The following DNAJB13 variants were observed in gnomAD, a reference collection of about 807,000 sequenced individuals.
DNAJB13 encodes the protein DnaJ heat shock protein family (Hsp40) member B13, also known as dnaJ homolog subfamily B member 13.
DNAJB13 carries 22 observed loss-of-function variants against 35.6 expected under a neutral mutation model. The observed-to-expected ratio is 0.62, with a 90% confidence interval of 0.44 to 0.88. The LOEUF (loss-of-function observed/expected upper bound fraction) is 0.88, where lower values mean the gene tolerates loss of function less well. Among genes scored for constraint, DNAJB13 ranks in the 40% least tolerant of loss-of-function variants. The pLI is 0.00. For missense variants in DNAJB13, 370 were observed against 384.3 expected, an observed-to-expected ratio of 0.96 and a Z score of 0.31; for synonymous variants, 136 against 144.2, an observed-to-expected ratio of 0.94 and a Z score of 0.41.
At chr11:73,969,415 C>A in intron 7 of DNAJB13, 93 bp downstream of exon 7, 1 of 774,590 alleles carries the variant, frequency 1.3e-6, no homozygotes, top group Non-Finnish European at 2.2e-6. Flanking sequence ...TAGAGTTGTA[C>A]AGGCTGCCCC....
At chr11:73,958,884 C>A (rs981674659) in intron 2 of DNAJB13, among the ~76,000 whole-genome samples, 5 of 152,200 alleles carry the variant, frequency 3.3e-5, no homozygotes, top group Non-Finnish European at 5.9e-5. Context: ...ATTAGGAAAT[C>A]TGTCTCCTAG....
chr11:73,968,488 G>C (rs751561683), intron 6 of DNAJB13, 30 bp downstream of exon 6: 2 of 1,587,524 alleles, frequency 1.3e-6, no homozygotes, highest in African/African-American at 1.3e-5. Flanking sequence ...GAGCAGCGGG[G>C]AGGAGATCAG....
Position 73,958,347 on chromosome 11 carries a change from G to T in DNAJB13, c.99G>T (p.Pro33=), listed in dbSNP as rs757937417. The change falls in exon 2 of 8, where the codon CCG becomes CCT. Residue 33 remains proline (P), a synonymous_variant. Transcript: ENST00000339764. ...GCAGACTCGCCCTTAAGCACCACCC[G>T]TTGAAGTCAAATGAGCCGTCTTCAG... The part of the protein sequence containing the change: ...AYRRLALKHH[P]LKSNEPSSAE... The T allele has an allele frequency of 6.2e-6, 10 of 1,614,076 alleles. No individual in the cohort carries two copies. The highest frequency in any genetic ancestry group is 1.6e-4 in the Middle Eastern group (1 of 6,062).
chr11:73,953,438 AGT>A (rs940970137), intron 1 of DNAJB13, among the ~76,000 whole-genome samples: 1 of 152,158 alleles, frequency 6.6e-6, no homozygotes, highest in African/African-American at 2.4e-5. Context: ...GAGCTCCCCG[AGT>A]GTACAATTTC....
At chr11:73,965,135 G>A (rs1951072537) in intron 4 of DNAJB13, 100 bp downstream of exon 4, 1 of 1,321,316 alleles carries the variant, frequency 7.6e-7, no homozygotes. Flanking sequence ...GATGGTCTCT[G>A]ATGGAATTAT....
At chr11:73,965,829 T>G (rs1951099652) in intron 4 of DNAJB13, 2 of 328,796 alleles carry the variant, frequency 6.1e-6, no homozygotes, top group Admixed American at 4.1e-5. Flanking sequence ...GCTGTGTGTT[T>G]GATCAACTAA....
chr11:73,966,845 ATTTTTTTT>A lies in DNAJB13; in HGVS notation c.606+612_606+619del, dbSNP rs770257573. Among the ~76,000 whole-genome samples the A allele has an allele frequency of 3.1e-3, 305 of 98,224 alleles. 4 individuals carry two copies. Among genetic ancestry groups the A allele is most frequent in the African/African-American group, 0.014 (295 of 21,138 alleles). The allele number at this position is 98,224 out of a possible 152,430, so 64.4% of individuals were successfully genotyped here. A position where few individuals can be genotyped will look rare whatever the true frequency, so the allele number is the denominator to read the frequency against. On this transcript the variant is annotated intron_variant, in intron 5 of 7. Coordinates refer to ENST00000339764, the MANE Select transcript of DNAJB13 (RefSeq NM_153614.4). ...AGGCATGTGCCACCACGCCCAGCTA[ATTTTTTTT>A]TTTTTTTTTTTTTTTTTGAGACAGA...
In DNAJB13 at chr11:73,969,983, C is replaced by T. The variant is rs1454943065; in HGVS notation, c.820C>T (p.Pro274Ser). ...IIHPKYFKKV[P>S]GEGMPLPEDP... ...CAGCCCCAAATACTTCAAGAAGGTG[C>T]CAGGGGAGGGGATGCCATTGCCGGA... Residue 274 changes from proline to serine, a missense_variant, in exon 8 of 8, where the codon CCA becomes TCA. By Grantham distance (74) the Pro-to-Ser change is moderately conservative. Coordinates refer to ENST00000339764, the MANE Select transcript of DNAJB13 (RefSeq NM_153614.4). 15 of 1,610,422 alleles carry T rather than the reference C, an allele frequency of 9.3e-6. No individual in the cohort carries two copies. The highest frequency in any genetic ancestry group is 1.3e-5 in the Non-Finnish European group (15 of 1,178,174).
chr11:73,957,422 C>T (rs1450213874), intron 1 of DNAJB13, among the ~76,000 whole-genome samples: 1 of 152,206 alleles, frequency 6.6e-6, no homozygotes, highest in Non-Finnish European at 1.5e-5. Context: ...CGAATGGTCC[C>T]TTTATTAAGC....
At chr11:73,961,777 A>G (rs953426273) in intron 3 of DNAJB13, among the ~76,000 whole-genome samples, 2 of 152,212 alleles carry the variant, frequency 1.3e-5, no homozygotes, top group Non-Finnish European at 2.9e-5. Context: ...AAGTGCCAGC[A>G]TGGCTACCAT....
At chr11:73,964,817 G>GCGCGCCCCCC in intron 3 of DNAJB13, 61 bp from the exon 4 acceptor site, 3 of 1,513,088 alleles carry the variant, frequency 2.0e-6, no homozygotes, top group Non-Finnish European at 2.7e-6. Context: ...GTGTGTGCGC[G>GCGCGCCCCCC]CGCGCGCATG....
chr11:73,964,968 G>A lies in DNAJB13; in HGVS notation c.425G>A (p.Arg142Gln), dbSNP rs144947558. Reference sequence around the variant, plus strand: ...AAGAAGCAGGACCCCCAAGTCGAACGGGATCTCTACCTGTCCCTGGAGGAC... The same window carrying A: ...AAGAAGCAGGACCCCCAAGTCGAACAGGATCTCTACCTGTCCCTGGAGGAC... ...GVKKQDPQVE[R>Q]DLYLSLEDLF... Residue 142 changes from arginine (R) to glutamine (Q), a missense_variant, in exon 4 of 8, where the codon CGG becomes CAG. Arg to Gln is a conservative substitution (Grantham distance 43, BLOSUM62 1). Transcript: ENST00000339764. 38 of 1,613,016 alleles carry A rather than the reference G, an allele frequency of 2.4e-5. No homozygotes were observed. Among genetic ancestry groups the A allele is most frequent in the African/African-American group, 1.1e-4 (8 of 74,730 alleles).
At chr11:73,956,769 C>T (rs557580161) in intron 1 of DNAJB13, among the ~76,000 whole-genome samples, 5 of 146,514 alleles carry the variant, frequency 3.4e-5, no homozygotes, top group Non-Finnish European at 7.4e-5. Flanking sequence ...TGCCATTGCA[C>T]TCCAGCTTGG....
chr11:73,957,500 GA>G (rs1389991936), intron 1 of DNAJB13, among the ~76,000 whole-genome samples: 2 of 152,196 alleles, frequency 1.3e-5, no homozygotes, highest in Non-Finnish European at 2.9e-5. Flanking sequence ...CATATTCTCA[GA>G]CGCTGCGATG....
intron 3 of DNAJB13, among the ~76,000 whole-genome samples, chr11:73,962,890 C>T (rs1217442534): frequency 1.3e-5 from 2 of 152,162 alleles, no homozygotes; most frequent in African/African-American, 4.8e-5. Flanking sequence ...GTTTCCAATC[C>T]ATGCGCTGCC....
At position 73,958,493 on chromosome 11, in the gene DNAJB13, T is replaced by C. The variant is rs1220476538; in HGVS notation, c.172+73T>C. 7 of 1,369,296 alleles carry C rather than the reference T, an allele frequency of 5.1e-6. No individual in the cohort carries two copies. The African/African-American group carries it at 8.7e-5, about 17-fold the overall frequency. 84.8% of individuals were successfully genotyped at this position (1,369,296 alleles called of 1,614,324 possible). ...TAAGTCTCTAGACTGTTGGGTTTTC[T>C]GAGGGGGCCCAATAACGAGGAAGCA... is the stretch of plus-strand genomic sequence containing the variant. On this transcript the variant is annotated intron_variant, in intron 2 of 7. Coordinates refer to ENST00000339764, the MANE Select transcript of DNAJB13 (RefSeq NM_153614.4).
At chr11:73,963,125 A>G (rs969159480) in intron 3 of DNAJB13, among the ~76,000 whole-genome samples, 3 of 152,184 alleles carry the variant, frequency 2.0e-5, no homozygotes, top group African/African-American at 7.2e-5. Flanking sequence ...CGGCAGTTCA[A>G]GACCAGCCTG....
At chr11:73,954,707 G>A (rs1346879869) in intron 1 of DNAJB13, among the ~76,000 whole-genome samples, 2 of 151,892 alleles carry the variant, frequency 1.3e-5, no homozygotes, top group Non-Finnish European at 1.5e-5. Context: ...TGTAATCCCA[G>A]CACTTTGGGA....
In DNAJB13 at chr11:73,951,215, C is replaced by T. The variant is rs1485932640; in HGVS notation, c.68+78C>T. ...CTCTTCTCTTCCAAAACGAGCTTTC[C>T]TGCACAGCTTAGCGCAGACAAGGTA... On this transcript the variant is annotated intron_variant, in intron 1 of 7. Coordinates refer to ENST00000339764, the MANE Select transcript of DNAJB13 (RefSeq NM_153614.4). The T allele has an allele frequency of 2.6e-6, 4 of 1,544,784 alleles. No individual in the cohort carries two copies. The Admixed American group carries it at 5.1e-5, about 20-fold the overall frequency.
Sources: allele counts gnomAD v4.1 joint callset (sites outside exome capture counted in the v4.1 genomes callset), GRCh38; gene constraint gnomAD v4.1.1; transcripts MANE v1.5; gene names NCBI Gene and HGNC (gene_info 2026-07-23, HGNC 2026-07-21).